FCHO1: variants seen among roughly 807,000 people sequenced by gnomAD.
FCHO1 encodes the protein FCH and mu domain containing endocytic adaptor 1, also known as F-BAR domain only protein 1.
In FCHO1, 45 loss-of-function variants were observed where a neutral mutation model predicts 114.4. That is an observed-to-expected ratio of 0.39 (90% CI 0.31 to 0.50). The LOEUF is 0.50. FCHO1 is among the 20% of genes least tolerant of loss of function. The pLI is 0.77. For missense variants in FCHO1, 1,042 were observed against 1,209.6 expected, an observed-to-expected ratio of 0.86 and a Z score of 2.06; for synonymous variants, 480 against 488.9, an observed-to-expected ratio of 0.98 and a Z score of 0.24.
Position 17,775,315 on chromosome 19 carries a change from A to T in FCHO1, c.946-141A>T. Reference sequence around the variant, plus strand: ...GTCCCAGGAACCTGCCCACACACCCAGGGAAGACAGTCGTTGCCATCAGGG... The same window carrying T: ...GTCCCAGGAACCTGCCCACACACCCTGGGAAGACAGTCGTTGCCATCAGGG... On this transcript the variant is annotated intron_variant, in intron 14 of 28. Coordinates refer to ENST00000596536, the MANE Select transcript of FCHO1 (RefSeq NM_015122.3). This position sits in a 1 kb window ranked among gnomAD's most constrained non-coding sequence, Gnocchi z 5.1. 1 of 914,958 alleles carries T rather than the reference A, an allele frequency of 1.1e-6. No homozygotes were observed. The highest frequency in any genetic ancestry group is 1.4e-5 in the South Asian group (1 of 71,078). 56.7% of individuals were successfully genotyped at this position (914,958 alleles called of 1,614,324 possible).
rs772533231 is a variant in FCHO1, at chr19:17,784,731, C to T, written c.2233C>T (p.Arg745Cys). The stretch of plus-strand genomic sequence containing the variant: ...TCATTCTCATTCTTCCTAGTTCTCC[C>T]GCCCGGGTCCCCAGTCTGTGCCTCT... ...NVVLLRYQFSRPGPQSVPLQL... is the reference protein window; with the variant it reads ...NVVLLRYQFSCPGPQSVPLQL... The change falls in exon 26 of 29, where the codon CGC becomes TGC. Residue 745 changes from arginine to cysteine, a missense_variant. Physicochemically the swap from Arg to Cys is radical, Grantham distance 180 (BLOSUM62 -3). Coordinates refer to ENST00000596536, the MANE Select transcript of FCHO1 (RefSeq NM_015122.3). This position sits in a 1 kb window ranked among gnomAD's most constrained non-coding sequence, Gnocchi z 5.3. 8.1e-6 allele frequency: 13 copies of T among 1,613,858 alleles called. No homozygotes were observed. The highest frequency in any genetic ancestry group is 2.2e-5 in the South Asian group (2 of 91,092).
At chr19:17,781,621 G>A (rs1756008685) in intron 22 of FCHO1, 82 bp downstream of exon 22, 19 of 1,567,378 alleles carry the variant, frequency 1.2e-5, no homozygotes, top group Non-Finnish European at 1.6e-5. Flanking sequence ...TCTGTTGGCA[G>A]AGGTGTGGTT....
At chr19:17,749,976 A>G (rs2081499816), upstream of FCHO1, among the ~76,000 whole-genome samples, 1 of 152,168 alleles carries the variant, frequency 6.6e-6, no homozygotes, top group Non-Finnish European at 1.5e-5. Flanking sequence ...GAGTGGCCCA[A>G]GGTCATCAGG....
At position 17,764,405 on chromosome 19, in the gene FCHO1, G is replaced by T; in HGVS notation, c.150G>T (p.Ala50=). The T allele has an allele frequency of 6.2e-7, 1 of 1,613,680 alleles. No homozygotes were observed. The highest frequency in any genetic ancestry group is 1.1e-5 in the South Asian group (1 of 91,058). The part of the protein sequence containing the change: ...RATIEETYSK[A]MAKLSKLASN... ...CCATCGAGGAGACCTACTCGAAGGC[G>T]ATGGCGAAACTCTCCAAGCTGGCCA... Residue 50 remains alanine, a synonymous_variant, in exon 6 of 29, where the codon GCG becomes GCT. Transcript: ENST00000596536.
At chr19:17,754,397 G>T (rs114512271) in intron 2 of FCHO1, 36 bp downstream of exon 2, 1 of 152,832 alleles carries the variant, frequency 6.5e-6, no homozygotes, top group Non-Finnish European at 1.5e-5. Context: ...GTTGGGACTC[G>T]TGGGGGCAGC....
chr19:17,766,451 T>G, intron 6 of FCHO1: 1 of 501,602 alleles, frequency 2.0e-6, no homozygotes, highest in Admixed American at 3.4e-5. Context: ...AATGTTGATT[T>G]GTTGAGGGGC....
chr19:17,767,179 C>T (rs2089574787), intron 7 of FCHO1, among the ~76,000 whole-genome samples: 3 of 151,816 alleles, frequency 2.0e-5, no homozygotes, highest in Admixed American at 1.3e-4. Flanking sequence ...CACTTGGGCT[C>T]AAGCGAACCT....
intron 6 of FCHO1, 127 bp downstream of exon 6, chr19:17,764,576 G>A (rs2087935727): frequency 1.4e-6 from 1 of 705,736 alleles, no homozygotes. Flanking sequence ...TTGGATAGAG[G>A]GATGTATATC....
chr19:17,753,184 A>G (rs140863659), intron 1 of FCHO1, among the ~76,000 whole-genome samples: 2,021 of 152,338 alleles, frequency 0.013, 20 homozygotes, highest in Non-Finnish European at 0.021. Flanking sequence ...GGTCATGGAC[A>G]GAAGCTAAGA....
At chr19:17,765,837 G>C (rs566342488) in intron 6 of FCHO1, among the ~76,000 whole-genome samples, 1 of 151,600 alleles carries the variant, frequency 6.6e-6, no homozygotes, top group African/African-American at 2.4e-5. Flanking sequence ...GCTGAGTGGG[G>C]CAGGCCAAAT....
intron 4 of FCHO1, among the ~76,000 whole-genome samples, chr19:17,756,632 T>C (rs1241793784): frequency 6.6e-6 from 1 of 152,060 alleles, no homozygotes; most frequent in Non-Finnish European, 1.5e-5. Flanking sequence ...GAAAAAGGGA[T>C]GAAATTCCTG....
intron 4 of FCHO1, among the ~76,000 whole-genome samples, chr19:17,757,917 A>G (rs1050055517): frequency 6.9e-5 from 6 of 86,928 alleles, no homozygotes; most frequent in Non-Finnish European, 1.8e-4. Flanking sequence ...CCCTGTCTCA[A>G]AAAAAAAAAA....
intron 19 of FCHO1, 155 bp downstream of exon 19, chr19:17,778,383 G>A (rs1408132775): frequency 2.7e-6 from 2 of 752,170 alleles, no homozygotes; most frequent in Middle Eastern, 3.7e-4. Flanking sequence ...GCGTGGGAGG[G>A]GCCATAGATA....
At position 17,751,784 on chromosome 19, in the gene FCHO1, G is replaced by A. The variant is rs1210605485; in HGVS notation, c.-183+207G>A. Among the ~76,000 whole-genome samples, 3 of 152,244 alleles carry A rather than the reference G, an allele frequency of 2.0e-5. No individual in the cohort carries two copies. The highest frequency in any genetic ancestry group is 2.9e-5 in the Non-Finnish European group (2 of 68,040). The stretch of plus-strand genomic sequence containing the variant: ...GTGAGTGGTGGTTTGGGTTAGGGGG[G>A]CGGCAAGGGGAGCTTGGAAACCCAG... On this transcript the variant is annotated intron_variant, in intron 1 of 28. Coordinates refer to ENST00000596536, the MANE Select transcript of FCHO1 (RefSeq NM_015122.3). This position sits in a 1 kb window ranked among gnomAD's most constrained non-coding sequence, Gnocchi z 4.4.
In FCHO1 at chr19:17,776,213, C is replaced by T. The variant is rs769834938; in HGVS notation, c.1183-34C>T. On this transcript the variant is annotated intron_variant, in intron 16 of 28. Coordinates refer to ENST00000596536, the MANE Select transcript of FCHO1 (RefSeq NM_015122.3). The surrounding 1 kb of genome is among the most constrained non-coding windows in gnomAD (Gnocchi z 4.4). ...TGTTGCTAGAGAGGCTGGCTGGATG[C>T]ATTCGTGTGTGATGTTGCCCACTTT... The T allele has an allele frequency of 1.9e-6, 3 of 1,614,040 alleles. No individual in the cohort carries two copies. Among genetic ancestry groups the T allele is most frequent in the Non-Finnish European group, 2.5e-6 (3 of 1,179,990 alleles).
intron 4 of FCHO1, among the ~76,000 whole-genome samples, chr19:17,759,074 C>G (rs2084978519): frequency 6.6e-6 from 1 of 152,036 alleles, no homozygotes; most frequent in African/African-American, 2.4e-5. Context: ...TTATGGAAAA[C>G]CCGCCAAATG....
intron 18 of FCHO1, 60 bp from the exon 19 acceptor site, chr19:17,778,077 C>T (rs1423723676): frequency 7.8e-7 from 1 of 1,278,048 alleles, no homozygotes; most frequent in Non-Finnish European, 1.1e-6. Context: ...TGCAAAGGCC[C>T]CAGGGTGGGA....
chr19:17,787,954 G>T (rs2094055040), intron 28 of FCHO1, 108 bp downstream of exon 28: 2 of 1,379,638 alleles, frequency 1.4e-6, no homozygotes, highest in Admixed American at 2.3e-5. Flanking sequence ...GGAAAGATAG[G>T]TGGGTGTTGG....
Position 17,778,842 on chromosome 19 carries a change from TC to T in FCHO1, c.1586del (p.Ser529CysfsTer16). The T allele has an allele frequency of 6.4e-7, 1 of 1,563,534 alleles. No homozygotes were observed. Among genetic ancestry groups the T allele is most frequent in the Non-Finnish European group, 8.6e-7 (1 of 1,162,414 alleles). ...GCCAGACTCGCCGCAGCCCCTCGCC[TC>T]GTCTCCAGGCCCCTGGGGGCTGGAG... ...PLPDSPQPLA[S>X]SPGPWGLEAL... On this transcript the variant is annotated frameshift_variant, in exon 20 of 29. Transcript: ENST00000596536. LOFTEE classifies it high-confidence loss of function.
Sources: gnomAD v4.1 joint callset for allele counts (sites outside exome capture counted in the v4.1 genomes callset) on GRCh38, gnomAD v4.1.1 for gene constraint, Gnocchi (gnomAD v3.1) non-coding constraint, MANE v1.5 for transcripts, NCBI Gene and HGNC (gene_info 2026-07-23, HGNC 2026-07-21) for gene names.